Variants in TSPEAR observed in about 807,000 individuals in gnomAD.
TSPEAR encodes the protein thrombospondin type laminin G domain and EAR repeats.
TSPEAR carries 69 observed loss-of-function variants against 71.6 expected under a neutral mutation model. The observed-to-expected ratio is 0.96, with a 90% CI of 0.79 to 1.18. TSPEAR has a LOEUF of 1.18. TSPEAR is among the 50% of genes most tolerant of loss of function. The pLI is 0.00. For synonymous variants in TSPEAR, 402 were observed against 387.2 expected (o/e 1.04, Z -0.45); for missense variants, 971 against 894.9 (o/e 1.09, Z -1.09).
At chr21:44,621,896 C>G (rs1398861457) in intron 1 of TSPEAR, among the ~76,000 whole-genome samples, 1 of 152,136 alleles carries the variant, frequency 6.6e-6, no homozygotes, top group East Asian at 1.9e-4. Flanking sequence ...ATAGACTCCT[C>G]TCATCATCCC....
chr21:44,575,088 C>T, intron 1 of TSPEAR: 1 of 1,387,792 alleles, frequency 7.2e-7, no homozygotes, highest in African/African-American at 1.4e-5. Context: ...TAGTCGCGTC[C>T]TGAATTGCTC....
chr21:44,676,955 G>A (rs1200185746), intron 1 of TSPEAR: 1 of 918,020 alleles, frequency 1.1e-6, no homozygotes, highest in Non-Finnish European at 1.8e-6. Flanking sequence ...TCAGTAGAGA[G>A]CTTGTCAGCT....
At chr21:44,608,134 G>C (rs782330432) in intron 1 of TSPEAR, among the ~76,000 whole-genome samples, 1 of 152,102 alleles carries the variant, frequency 6.6e-6, no homozygotes, top group Non-Finnish European at 1.5e-5. Flanking sequence ...TTGTGGTAGT[G>C]GTTACATGGG....
At position 44,506,021 on chromosome 21, in the gene TSPEAR, C is replaced by G. The variant is rs961590296; in HGVS notation, c.1755-1140G>C. ...CTGTGGCCTCTGTGCCTGGTTTCTT[C>G]TCTCAGCATTGTGTCTTCAGCTGTG... On this transcript the variant is annotated intron_variant, in intron 10 of 11. Transcript: ENST00000323084. This position sits in a 1 kb window ranked among gnomAD's most constrained non-coding sequence, Gnocchi z 4.2. 6.6e-6 allele frequency among the ~76,000 whole-genome samples: 1 copy of G among 152,244 alleles called. No homozygotes were observed. Among genetic ancestry groups the G allele is most frequent in the Non-Finnish European group, 1.5e-5 (1 of 68,042 alleles).
Position 44,593,658 on chromosome 21 carries a change from C to G in TSPEAR, c.83-25653G>C, listed in dbSNP as rs1032265098. Among the ~76,000 whole-genome samples the G allele has an allele frequency of 3.3e-5, 5 of 152,050 alleles. No individual in the cohort carries two copies. Among genetic ancestry groups the G allele is most frequent in the South Asian group, 4.1e-4 (2 of 4,820 alleles). ...CCAGCACTAAAGTTAAAATAGAGAC[C>G]GTAAGACCCACAGAGCAGACTCTGG... On this transcript the variant is annotated intron_variant, in intron 1 of 11. Coordinates refer to ENST00000323084, the MANE Select transcript of TSPEAR (RefSeq NM_144991.3). This position sits in a 1 kb window ranked among gnomAD's most constrained non-coding sequence, Gnocchi z 5.9.
chr21:44,586,083 G>A lies in TSPEAR; in HGVS notation c.83-18078C>T, dbSNP rs900101441. 2.0e-5 allele frequency among the ~76,000 whole-genome samples: 3 copies of A among 152,236 alleles called. No individual in the cohort carries two copies. In the East Asian group the frequency reaches 5.8e-4, roughly 29 times the overall value. On this transcript the variant is annotated intron_variant, in intron 1 of 11. Coordinates refer to ENST00000323084, the MANE Select transcript of TSPEAR (RefSeq NM_144991.3). ...CTCCATCCTAGGACCCAGGCTGGGAGCCTCCTGGGCCACCCCTGGCCTGCC... is the reference window on the plus strand; with the variant it reads ...CTCCATCCTAGGACCCAGGCTGGGAACCTCCTGGGCCACCCCTGGCCTGCC...
At chr21:44,613,850 A>G (rs587769926) in intron 1 of TSPEAR, among the ~76,000 whole-genome samples, 60 of 152,094 alleles carry the variant, frequency 3.9e-4, no homozygotes, top group South Asian at 1.2e-3. Flanking sequence ...CACGTCGTTT[A>G]GGTGCGCGAC....
intron 1 of TSPEAR, among the ~76,000 whole-genome samples, chr21:44,597,432 C>CTT (rs370569621): frequency 7.7e-6 from 1 of 130,624 alleles, no homozygotes; most frequent in African/African-American, 3.3e-5. Context: ...TTCTTTCTTT[C>CTT]TTTTCTTTTT....
At chr21:44,601,929 T>A in intron 1 of TSPEAR, 1 of 787,316 alleles carries the variant, frequency 1.3e-6, no homozygotes, top group Non-Finnish European at 2.0e-6. Flanking sequence ...TTCCCCCAAT[T>A]ACCCAGCCCT....
In TSPEAR at chr21:44,711,381, C is replaced by T; in HGVS notation, c.82+52G>A. On this transcript the variant is annotated intron_variant, in intron 1 of 11. Transcript: ENST00000323084. This position sits in a 1 kb window ranked among gnomAD's most constrained non-coding sequence, Gnocchi z 4.5. ...GTGGCATTTGTGACTCGACACCCCT[C>T]CCAGCTCCCCGGCAAGATACCCCCG... 6.6e-7 allele frequency: 1 copy of T among 1,516,542 alleles called. No individual in the cohort carries two copies. Among genetic ancestry groups the T allele is most frequent in the Admixed American group, 2.0e-5 (1 of 50,054 alleles). The allele number at this position is 1,516,542 out of a possible 1,614,324, so 93.9% of individuals were successfully genotyped here.
rs1555910763 is a variant in TSPEAR at position 44,498,604 on chromosome 21, G to C, written c.*1179C>G. Reference sequence around the variant, plus strand: ...TTACGAAAGGTCAGGAGTGCTCTCTGAGCTGAAGGTGAACAGACAGCTGCG... The same window carrying C: ...TTACGAAAGGTCAGGAGTGCTCTCTCAGCTGAAGGTGAACAGACAGCTGCG... On this transcript the variant is annotated 3_prime_UTR_variant, in exon 12 of 12. Transcript: ENST00000323084. 1 of 152,288 alleles carries C rather than the reference G, an allele frequency of 6.6e-6. No homozygotes were observed. Among genetic ancestry groups the C allele is most frequent in the Non-Finnish European group, 1.5e-5 (1 of 68,060 alleles). 9.4% of individuals were successfully genotyped at this position (152,288 alleles called of 1,614,324 possible). A position where few individuals can be genotyped will look rare whatever the true frequency, so the allele number is the denominator to read the frequency against.
intron 3 of TSPEAR, 119 bp downstream of exon 3, chr21:44,533,565 TG>T: frequency 1.2e-6 from 1 of 848,560 alleles, no homozygotes; most frequent in Non-Finnish European, 1.8e-6. Flanking sequence ...CTCCTGACCC[TG>T]GTCAGCTCCT....
chr21:44,524,202 G>A (rs1555914655), intron 8 of TSPEAR, among the ~76,000 whole-genome samples: 1 of 151,424 alleles, frequency 6.6e-6, no homozygotes, highest in Non-Finnish European at 1.5e-5. Context: ...TAGTTAGGCA[G>A]GTAGTCACTC....
chr21:44,628,150 G>T (rs1432510549), intron 1 of TSPEAR: 202 of 1,427,218 alleles, frequency 1.4e-4, no homozygotes, highest in Non-Finnish European at 1.8e-4. Flanking sequence ...AACACAGAAG[G>T]AGCAGCCCCA....
At chr21:44,581,733 C>G (rs140597819) in intron 1 of TSPEAR, among the ~76,000 whole-genome samples, 1 of 152,192 alleles carries the variant, frequency 6.6e-6, no homozygotes, top group Non-Finnish European at 1.5e-5. Context: ...TTTTGTCTCA[C>G]GATGAATGAA....
rs182042671 is a variant in TSPEAR, at chr21:44,622,631, C to T, written c.83-54626G>A. ...AATCTTTGCCTTGGCTGTCATACGC[C>T]GTCTTCCCTTTGTGTGTGTGTTTGA... On this transcript the variant is annotated intron_variant, in intron 1 of 11. Transcript: ENST00000323084. Among the ~76,000 whole-genome samples the T allele has an allele frequency of 2.0e-3, 311 of 152,286 alleles. 1 individual carries two copies. Among genetic ancestry groups the T allele is most frequent in the Admixed American group, 4.2e-3 (65 of 15,298 alleles).
At chr21:44,698,901 T>C (rs915697818) in intron 1 of TSPEAR, among the ~76,000 whole-genome samples, 2 of 152,084 alleles carry the variant, frequency 1.3e-5, no homozygotes, top group African/African-American at 2.4e-5. Context: ...TGAAACCTTG[T>C]CTCCATTAAA....
At chr21:44,660,140 C>G (rs1304616209) in intron 1 of TSPEAR, among the ~76,000 whole-genome samples, 2 of 152,102 alleles carry the variant, frequency 1.3e-5, no homozygotes, top group Non-Finnish European at 2.9e-5. Context: ...AACATCAAAT[C>G]CTCATTTATG....
rs78354556 is a variant in TSPEAR, at chr21:44,592,808, G to T, written c.83-24803C>A. Reference sequence around the variant, plus strand: ...TCCACCCCTGGCCCCAGCAGCCCCGGGACACAGAGTCCCTCTGCAGGAAGC... The same window carrying T: ...TCCACCCCTGGCCCCAGCAGCCCCGTGACACAGAGTCCCTCTGCAGGAAGC... On this transcript the variant is annotated intron_variant, in intron 1 of 11. Coordinates refer to ENST00000323084, the MANE Select transcript of TSPEAR (RefSeq NM_144991.3). Among the ~76,000 whole-genome samples, 1,388 of 152,260 alleles carry T rather than the reference G, an allele frequency of 9.1e-3. 21 individuals are homozygous for T. Among genetic ancestry groups the T allele is most frequent in the African/African-American group, 0.031 (1,306 of 41,522 alleles).
Sources: allele counts gnomAD v4.1 joint callset (sites outside exome capture counted in the v4.1 genomes callset), GRCh38; gene constraint gnomAD v4.1.1; non-coding constraint Gnocchi (gnomAD v3.1); transcripts MANE v1.5; gene names NCBI Gene and HGNC (gene_info 2026-07-23, HGNC 2026-07-21).